Variants in TAS2R1 observed in about 807,000 individuals in gnomAD.
TAS2R1 encodes the protein taste 2 receptor member 1, also known as taste receptor type 2 member 1.
For missense variants in TAS2R1, 370 were observed against 353.4 expected, an observed-to-expected ratio of 1.05 and a Z score of -0.38; for synonymous variants, 141 against 134.2, an observed-to-expected ratio of 1.05 and a Z score of -0.35.
At chr5:9,662,850 A>G (rs757617949) in intron 1 of TAS2R1, among the ~76,000 whole-genome samples, 2 of 152,232 alleles carry the variant, frequency 1.3e-5, no homozygotes, top group Non-Finnish European at 2.9e-5. Flanking sequence ...ATAATGATAT[A>G]AATAGAATTC....
At chr5:9,846,240 T>A in the TAS2R1 span, among the ~76,000 whole-genome samples, 5 of 152,212 alleles carry the variant, frequency 3.3e-5, no homozygotes, top group Non-Finnish European at 5.9e-5. Flanking sequence ...GTTTACAAAG[T>A]CCTGAAACTT....
chr5:9,742,160 C>T, the TAS2R1 span, among the ~76,000 whole-genome samples: 1 of 152,178 alleles, frequency 6.6e-6, no homozygotes, highest in Non-Finnish European at 1.5e-5. Context: ...GCTGGGATTA[C>T]AGACGTGAGC....
At chr5:9,862,238 T>C in the TAS2R1 span, among the ~76,000 whole-genome samples, 1 of 152,180 alleles carries the variant, frequency 6.6e-6, no homozygotes, top group Non-Finnish European at 1.5e-5. Flanking sequence ...CCCATTCTCA[T>C]TGCCTCATAG....
the TAS2R1 span, among the ~76,000 whole-genome samples, chr5:9,846,815 A>C: frequency 3.3e-5 from 5 of 152,226 alleles, no homozygotes; most frequent in African/African-American, 1.2e-4. Flanking sequence ...AATTGAAAAC[A>C]AAACCAAGCC....
the TAS2R1 span, among the ~76,000 whole-genome samples, chr5:9,796,931 T>C: frequency 1.3e-5 from 2 of 152,138 alleles, no homozygotes; most frequent in Non-Finnish European, 2.9e-5. Flanking sequence ...CATGTTTCCC[T>C]TCACAGGACT....
At chr5:9,652,277 C>T (rs1008201532) in intron 2 of TAS2R1, among the ~76,000 whole-genome samples, 2 of 152,174 alleles carry the variant, frequency 1.3e-5, no homozygotes, top group Admixed American at 6.5e-5. Context: ...GTGGCAGAGA[C>T]CTACAGTTCT....
the TAS2R1 span, among the ~76,000 whole-genome samples, chr5:9,868,598 G>A: frequency 6.6e-6 from 1 of 152,150 alleles, no homozygotes; most frequent in African/African-American, 2.4e-5. Flanking sequence ...TTCCATGAAG[G>A]TCTCTGACAT....
chr5:9,799,026 T>G, the TAS2R1 span, among the ~76,000 whole-genome samples: 1 of 152,194 alleles, frequency 6.6e-6, no homozygotes, highest in Admixed American at 6.5e-5. Flanking sequence ...CTTCACCTGC[T>G]TTAGACAACT....
intron 1 of TAS2R1, among the ~76,000 whole-genome samples, chr5:9,668,550 C>T (rs184038061): frequency 6.6e-6 from 1 of 152,196 alleles, no homozygotes; most frequent in East Asian, 1.9e-4. Context: ...CCATCAGGCT[C>T]ACAGCAGACC....
the TAS2R1 span, among the ~76,000 whole-genome samples, chr5:9,888,335 T>A: frequency 1.3e-5 from 2 of 151,936 alleles, 1 homozygote; most frequent in South Asian, 4.2e-4. Flanking sequence ...TCACAAAGAG[T>A]GCATCTCCAA....
intron 1 of TAS2R1, among the ~76,000 whole-genome samples, chr5:9,701,857 G>T (rs1347489216): frequency 6.6e-6 from 1 of 151,936 alleles, no homozygotes; most frequent in Non-Finnish European, 1.5e-5. Flanking sequence ...CCAAAATTTT[G>T]CAAAAAGTGA....
the TAS2R1 span, among the ~76,000 whole-genome samples, chr5:9,879,639 C>G: frequency 2.0e-5 from 3 of 152,174 alleles, no homozygotes; most frequent in Non-Finnish European, 4.4e-5. Flanking sequence ...TTATAATAAC[C>G]CCCATACTTT....
intron 1 of TAS2R1, among the ~76,000 whole-genome samples, chr5:9,690,309 T>C (rs530167352): frequency 6.6e-6 from 1 of 152,216 alleles, no homozygotes; most frequent in South Asian, 2.1e-4. Context: ...GAAAATCAAA[T>C]GTTGTGATTT....
At chr5:9,705,348 T>G (rs1380328317) in intron 1 of TAS2R1, among the ~76,000 whole-genome samples, 1 of 152,230 alleles carries the variant, frequency 6.6e-6, no homozygotes, top group East Asian at 1.9e-4. Flanking sequence ...TTAAGTTATA[T>G]CTTGTGAGCA....
the TAS2R1 span, among the ~76,000 whole-genome samples, chr5:9,745,467 C>A: frequency 6.6e-6 from 1 of 151,952 alleles, no homozygotes. Flanking sequence ...CAAGACAATA[C>A]TAGGCAAAAA....
the TAS2R1 span, among the ~76,000 whole-genome samples, chr5:9,795,991 T>A: frequency 7.2e-5 from 11 of 152,302 alleles, 1 homozygote; most frequent in East Asian, 1.9e-3. Flanking sequence ...CCTCTGTCCA[T>A]TTCCTGGGAA....
chr5:9,716,853 G>A (rs945633462), upstream of TAS2R1, among the ~76,000 whole-genome samples: 2 of 152,124 alleles, frequency 1.3e-5, no homozygotes, highest in African/African-American at 4.8e-5. Flanking sequence ...AGACGAGGGT[G>A]AGCTAATTCT....
At chr5:9,840,544 A>T in the TAS2R1 span, among the ~76,000 whole-genome samples, 1 of 152,096 alleles carries the variant, frequency 6.6e-6, no homozygotes, top group Non-Finnish European at 1.5e-5. Flanking sequence ...CATTAACTCC[A>T]TTTATTCCCT....
chr5:9,791,887 C>T, the TAS2R1 span, among the ~76,000 whole-genome samples: 9 of 152,158 alleles, frequency 5.9e-5, no homozygotes, highest in Non-Finnish European at 1.2e-4. Flanking sequence ...AGAAACAGAG[C>T]TATCTGAGCT....
Sources: allele counts gnomAD v4.1 joint callset (sites outside exome capture counted in the v4.1 genomes callset), GRCh38; gene constraint gnomAD v4.1.1; transcripts MANE v1.5; gene names NCBI Gene and HGNC (gene_info 2026-07-23, HGNC 2026-07-21).